ADRA1B: variants seen among roughly 807,000 people sequenced by gnomAD.
ADRA1B encodes the protein adrenoceptor alpha 1B, also known as alpha-1B adrenergic receptor.
A neutral mutation model predicts 17.9 loss-of-function variants in ADRA1B; 17 were observed. The ratio of observed to expected loss-of-function variants is 0.95; its 90% confidence interval spans 0.65 to 1.42. The LOEUF is 1.42. Ranked by LOEUF, ADRA1B falls within the 40% of genes most tolerant of loss-of-function variation. The pLI is 0.00. For missense variants in ADRA1B, 681 were observed against 722.1 expected, an observed-to-expected ratio of 0.94 and a Z score of 0.65; for synonymous variants, 366 against 327.6, an observed-to-expected ratio of 1.12 and a Z score of -1.27.
intron 1 of ADRA1B, among the ~76,000 whole-genome samples, chr5:159,927,920 T>C (rs1754706585): frequency 6.6e-6 from 1 of 152,194 alleles, no homozygotes; most frequent in African/African-American, 2.4e-5. Context: ...ACTATGTGTG[T>C]ATTTCGTGGG....
At chr5:159,947,499 AT>A (rs147236788) in intron 1 of ADRA1B, among the ~76,000 whole-genome samples, 1,813 of 151,762 alleles carry the variant, frequency 0.012, 44 homozygotes, top group African/African-American at 0.042. Context: ...CCTCTATAGC[AT>A]TTTTTTTCAT....
At chr5:159,988,813 C>A in the ADRA1B span, among the ~76,000 whole-genome samples, 5 of 152,080 alleles carry the variant, frequency 3.3e-5, no homozygotes, top group East Asian at 1.9e-4. Context: ...CCCATCTCTA[C>A]AAAAAAAATT....
chr5:159,945,933 G>C (rs1183599521), intron 1 of ADRA1B, among the ~76,000 whole-genome samples: 2 of 152,138 alleles, frequency 1.3e-5, no homozygotes, highest in African/African-American at 2.4e-5. Context: ...ATTTTTAGTA[G>C]AGATGGGGTT....
In ADRA1B at chr5:159,917,195, C is replaced by T. The variant is rs1402567797; in HGVS notation, c.290C>T (p.Thr97Ile). 6.2e-7 allele frequency: 1 copy of T among 1,614,096 alleles called. No individual in the cohort carries two copies. The highest frequency in any genetic ancestry group is 1.3e-5 in the African/African-American group (1 of 74,950). Reference sequence around the variant, plus strand: ...ATGGCCGACCTGCTGTTGAGCTTCACCGTCCTGCCCTTCTCAGCGGCCCTA... The same window carrying T: ...ATGGCCGACCTGCTGTTGAGCTTCATCGTCCTGCCCTTCTCAGCGGCCCTA... The part of the protein sequence containing the change: ...LAMADLLLSF[T>I]VLPFSAALEV... The change falls in exon 1 of 2, where the codon ACC becomes ATC. Residue 97 changes from threonine to isoleucine, a missense_variant. Around this residue, in one of 3 missense-constraint regions of ADRA1B, gnomAD observed 424 missense variants for 480.2 expected, o/e 0.88. Transcript: ENST00000306675.
chr5:159,926,252 T>C (rs981286046), intron 1 of ADRA1B, among the ~76,000 whole-genome samples: 4 of 152,206 alleles, frequency 2.6e-5, no homozygotes, highest in African/African-American at 9.6e-5. Context: ...TCTGTAAACA[T>C]GCGGTTCTGC....
At chr5:159,983,533 G>T in the ADRA1B span, among the ~76,000 whole-genome samples, 2 of 152,160 alleles carry the variant, frequency 1.3e-5, no homozygotes, top group South Asian at 2.1e-4. Context: ...AGCCAGACAC[G>T]CTTAAGATAC....
At chr5:159,962,886 GC>G (rs1755700682) in intron 1 of ADRA1B, among the ~76,000 whole-genome samples, 1 of 97,814 alleles carries the variant, frequency 1.0e-5, no homozygotes, top group African/African-American at 4.3e-5. Flanking sequence ...TTGGTTTTTA[GC>G]TTTTATTTCT....
At chr5:159,977,455 C>G (rs917799420), downstream of ADRA1B, among the ~76,000 whole-genome samples, 1 of 152,126 alleles carries the variant, frequency 6.6e-6, no homozygotes, top group Non-Finnish European at 1.5e-5. Context: ...GTGTCAGGCT[C>G]CATCTCCCAT....
intron 1 of ADRA1B, among the ~76,000 whole-genome samples, chr5:159,906,725 G>C (rs1754165970): frequency 6.6e-6 from 1 of 152,184 alleles, no homozygotes; most frequent in South Asian, 2.1e-4. Flanking sequence ...CAGTTCCCTA[G>C]ACTGAACAAA....
At chr5:159,868,866 C>A (rs1242158751) in intron 1 of ADRA1B, 1 of 152,168 alleles carries the variant, frequency 6.6e-6, no homozygotes, top group Non-Finnish European at 1.5e-5. Context: ...GGGCAGGAAA[C>A]CCATCAGGTT....
chr5:159,926,278 G>A (rs571144607), intron 1 of ADRA1B, among the ~76,000 whole-genome samples: 5 of 152,096 alleles, frequency 3.3e-5, no homozygotes, highest in South Asian at 2.1e-4. Flanking sequence ...CCTTTCTCGC[G>A]AAGTCTTCCT....
Position 159,917,650 on chromosome 5 carries a change from A to G in ADRA1B, c.745A>G (p.Lys249Glu), listed in dbSNP as rs1278199689. ...AGTCATGAAGGAGATGTCCAACTCC[A>G]AGGAGCTGACCCTGAGGATCCATTC... The part of the protein sequence containing the change: ...AGVMKEMSNS[K>E]ELTLRIHSKN... Residue 249 changes from lysine (K) to glutamate (E), a missense_variant, in exon 1 of 2, where the codon AAG becomes GAG. By Grantham distance (56) the Lys-to-Glu change is moderately conservative (BLOSUM62 1). This residue lies in a region of ADRA1B where 424 missense variants were observed against 480.2 expected (regional missense o/e 0.88). Transcript: ENST00000306675. 1 of 1,614,038 alleles carries G rather than the reference A, an allele frequency of 6.2e-7. No individual in the cohort carries two copies. The highest frequency in any genetic ancestry group is 2.2e-5 in the East Asian group (1 of 44,874).
At chr5:159,874,582 C>T (rs1753782935) in intron 1 of ADRA1B, among the ~76,000 whole-genome samples, 1 of 152,206 alleles carries the variant, frequency 6.6e-6, no homozygotes, top group Non-Finnish European at 1.5e-5. Context: ...CAGTACATGG[C>T]ATGAAGTTCA....
chr5:159,911,118 C>T (rs533071230), intron 1 of ADRA1B, among the ~76,000 whole-genome samples: 1 of 152,216 alleles, frequency 6.6e-6, no homozygotes, highest in Admixed American at 6.5e-5. Flanking sequence ...GCTGCATGCC[C>T]ACCTTCAAAC....
At chr5:159,943,105 G>A (rs966811810) in intron 1 of ADRA1B, among the ~76,000 whole-genome samples, 3 of 151,934 alleles carry the variant, frequency 2.0e-5, no homozygotes, top group African/African-American at 4.8e-5. Context: ...TCAGCTACTC[G>A]GGAGGCTGAG....
intron 1 of ADRA1B, among the ~76,000 whole-genome samples, chr5:159,920,145 C>G (rs1362500125): frequency 6.6e-6 from 1 of 152,176 alleles, no homozygotes; most frequent in African/African-American, 2.4e-5. Flanking sequence ...GTATAATCAG[C>G]CCACCAGGTG....
At chr5:159,913,944 T>C (rs1303665667), upstream of ADRA1B, among the ~76,000 whole-genome samples, 1 of 152,178 alleles carries the variant, frequency 6.6e-6, no homozygotes, top group African/African-American at 2.4e-5. Flanking sequence ...GTTACTGGTA[T>C]TCTCTTCCTC....
intron 1 of ADRA1B, among the ~76,000 whole-genome samples, chr5:159,891,406 G>C (rs1050800249): frequency 1.2e-4 from 18 of 152,126 alleles, no homozygotes; most frequent in African/African-American, 3.9e-4. Flanking sequence ...CATTGGTTAA[G>C]ACCCAGCCCC....
intron 1 of ADRA1B, among the ~76,000 whole-genome samples, chr5:159,925,098 T>C (rs1339283744): frequency 1.3e-5 from 2 of 152,192 alleles, no homozygotes; most frequent in Non-Finnish European, 2.9e-5. Flanking sequence ...ACATGGACTC[T>C]AATGCAGGCA....
Sources: allele counts gnomAD v4.1 joint callset (sites outside exome capture counted in the v4.1 genomes callset), GRCh38; gene constraint gnomAD v4.1.1; regional missense constraint gnomAD v4.1.1; transcripts MANE v1.5; gene names NCBI Gene and HGNC (gene_info 2026-07-23, HGNC 2026-07-21).